The following DYNC1I1 variants were observed in gnomAD, a reference collection of about 807,000 sequenced individuals.
DYNC1I1 encodes cytoplasmic dynein 1 intermediate chain 1.
In DYNC1I1, 43 loss-of-function variants were observed where a neutral mutation model predicts 86.6. The ratio of observed to expected loss-of-function variants is 0.50; its 90% confidence interval spans 0.39 to 0.64. The LOEUF (loss-of-function observed/expected upper bound fraction) is 0.64, where lower values mean the gene tolerates loss of function less well. Among genes scored for constraint, DYNC1I1 ranks in the 30% least tolerant of loss-of-function variants. DYNC1I1 has a pLI of 0.00. For missense variants in DYNC1I1, 604 were observed against 788.8 expected, an observed-to-expected ratio of 0.77 and a Z score of 2.81; for synonymous variants, 262 against 283.7, an observed-to-expected ratio of 0.92 and a Z score of 0.77.
At chr7:95,895,103 A>G (rs1790846718) in intron 6 of DYNC1I1, among the ~76,000 whole-genome samples, 1 of 152,192 alleles carries the variant, frequency 6.6e-6, no homozygotes, top group Admixed American at 6.5e-5. Context: ...ACAACCTAAC[A>G]GTGACCACGA....
chr7:95,855,642 A>G (rs1584281387), intron 5 of DYNC1I1, among the ~76,000 whole-genome samples: 1 of 152,188 alleles, frequency 6.6e-6, no homozygotes, highest in East Asian at 1.9e-4. Context: ...TGATGCTCCT[A>G]GGCGGTAAGG....
At chr7:95,785,607 T>C (rs4493832) in intron 1 of DYNC1I1, among the ~76,000 whole-genome samples, 41 of 151,698 alleles carry the variant, frequency 2.7e-4, no homozygotes, top group Non-Finnish European at 5.3e-4. Context: ...TAGACAAATA[T>C]GCCATTTCAA....
chr7:95,900,479 G>T (rs530943533), intron 6 of DYNC1I1, among the ~76,000 whole-genome samples: 1 of 152,280 alleles, frequency 6.6e-6, no homozygotes, highest in East Asian at 1.9e-4. Flanking sequence ...TCTGGGGTTT[G>T]CTGGAGAAGC....
chr7:96,040,169 G>C (rs1168332418), intron 14 of DYNC1I1, among the ~76,000 whole-genome samples: 4 of 152,068 alleles, frequency 2.6e-5, no homozygotes, highest in African/African-American at 9.7e-5. Context: ...GTCAGGCAGA[G>C]GTTGCAGTGA....
intron 1 of DYNC1I1, among the ~76,000 whole-genome samples, chr7:95,793,618 G>A (rs1005601035): frequency 1.3e-5 from 2 of 152,182 alleles, no homozygotes; most frequent in Admixed American, 1.3e-4. Flanking sequence ...GCTAGCAGAT[G>A]TTGGTTGCAC....
At chr7:95,807,014 G>A (rs10255073) in intron 2 of DYNC1I1, among the ~76,000 whole-genome samples, 1 of 152,116 alleles carries the variant, frequency 6.6e-6, no homozygotes, top group African/African-American at 2.4e-5. Context: ...GTAAAATGGA[G>A]AAAGGAATGA....
chr7:95,793,259 AG>A (rs1584228214), intron 1 of DYNC1I1, among the ~76,000 whole-genome samples: 1 of 152,192 alleles, frequency 6.6e-6, no homozygotes, highest in East Asian at 1.9e-4. Context: ...TCAAATTGGG[AG>A]GACTTGAAAA....
chr7:95,939,023 C>T (rs1792126452), intron 6 of DYNC1I1, among the ~76,000 whole-genome samples: 1 of 152,078 alleles, frequency 6.6e-6, no homozygotes, highest in South Asian at 2.1e-4. Context: ...TTTCAAAGAA[C>T]ATCTTTATTT....
chr7:95,844,590 C>T (rs191603831), intron 5 of DYNC1I1, among the ~76,000 whole-genome samples: 4 of 151,870 alleles, frequency 2.6e-5, no homozygotes, highest in Non-Finnish European at 4.4e-5. Flanking sequence ...TTTAGTGGGT[C>T]GGGCGGCGGG....
At chr7:95,859,321 G>A (rs1789812760) in intron 5 of DYNC1I1, among the ~76,000 whole-genome samples, 1 of 151,972 alleles carries the variant, frequency 6.6e-6, no homozygotes, top group South Asian at 2.1e-4. Flanking sequence ...CTCCTTTTCT[G>A]TAGGGTCAGT....
chr7:95,914,983 G>A (rs1447354605), intron 6 of DYNC1I1, among the ~76,000 whole-genome samples: 1 of 152,160 alleles, frequency 6.6e-6, no homozygotes, highest in African/African-American at 2.4e-5. Flanking sequence ...GCAAAAATCT[G>A]GTGGCATTTT....
intron 6 of DYNC1I1, among the ~76,000 whole-genome samples, chr7:95,950,835 A>G (rs1335804317): frequency 2.0e-5 from 3 of 152,222 alleles, no homozygotes; most frequent in Non-Finnish European, 4.4e-5. Flanking sequence ...TAAAGATCAC[A>G]AAAATTAGCC....
In DYNC1I1 at chr7:96,097,338, A is replaced by G. The variant is rs1731318527; in HGVS notation, c.1777-145A>G. ...AACACCTCAGGCCCTGCTTGATCCA[A>G]AGAAGAATGTTTGATTTCCTTTACA... On this transcript the variant is annotated intron_variant, in intron 16 of 16. Coordinates refer to ENST00000447467, the MANE Select transcript of DYNC1I1 (RefSeq NM_001135556.2). 14 of 852,132 alleles carry G rather than the reference A, an allele frequency of 1.6e-5. No homozygotes were observed. The South Asian group carries it at 2.9e-4, about 18-fold the overall frequency. The allele number at this position is 852,132 out of a possible 1,614,324, so 52.8% of individuals were successfully genotyped here.
chr7:95,978,392 A>T (rs1352969424), intron 7 of DYNC1I1, among the ~76,000 whole-genome samples: 1 of 152,230 alleles, frequency 6.6e-6, no homozygotes, highest in African/African-American at 2.4e-5. Flanking sequence ...AAGGAGGGAC[A>T]TGAAATACTG....
intron 3 of DYNC1I1, 130 bp from the exon 4 acceptor site, chr7:95,813,113 TCCCA>T: frequency 9.4e-6 from 12 of 1,283,298 alleles, no homozygotes; most frequent in Admixed American, 5.2e-5. Context: ...TTTTTCTTTA[TCCCA>T]TCTCAATGTC....
intron 5 of DYNC1I1, among the ~76,000 whole-genome samples, chr7:95,835,359 T>G (rs1789049062): frequency 1.4e-5 from 2 of 142,040 alleles, no homozygotes; most frequent in African/African-American, 5.4e-5. Context: ...ATTTCTGTTC[T>G]TTTACATTTG....
intron 1 of DYNC1I1, among the ~76,000 whole-genome samples, chr7:95,785,733 A>C (rs1245467304): frequency 7.0e-6 from 1 of 142,200 alleles, no homozygotes; most frequent in Non-Finnish European, 1.5e-5. Flanking sequence ...ATGTGTGTGT[A>C]TGTATATATA....
downstream of DYNC1I1, among the ~76,000 whole-genome samples, chr7:96,100,893 G>T (rs1376475371): frequency 6.6e-6 from 1 of 152,098 alleles, no homozygotes; most frequent in Non-Finnish European, 1.5e-5. Context: ...ACACTCAAGG[G>T]TTATGTTACA....
chr7:95,980,920 T>C (rs1793443227), intron 7 of DYNC1I1, among the ~76,000 whole-genome samples: 1 of 152,200 alleles, frequency 6.6e-6, no homozygotes, highest in Non-Finnish European at 1.5e-5. Flanking sequence ...GTTTGGTTTC[T>C]TGCTGCTGTT....
Sources: allele counts gnomAD v4.1 joint callset (sites outside exome capture counted in the v4.1 genomes callset), GRCh38; gene constraint gnomAD v4.1.1; transcripts MANE v1.5; gene names NCBI Gene and HGNC (gene_info 2026-07-23, HGNC 2026-07-21).